The following WDFY4 variants were observed in gnomAD, a reference collection of about 807,000 sequenced individuals.
WDFY4 encodes the protein WDFY family member 4, also known as WD repeat- and FYVE domain-containing protein 4.
Under a neutral mutation model 351.9 loss-of-function variants are expected in WDFY4, and 169 were observed. The observed-to-expected ratio is 0.48, with a 90% CI of 0.42 to 0.55. The LOEUF (loss-of-function observed/expected upper bound fraction) is 0.55, where lower values mean the gene tolerates loss of function less well. Among genes scored for constraint, WDFY4 ranks in the 20% least tolerant of loss-of-function variants. The pLI is 0.00. For missense variants in WDFY4, 3,803 were observed against 3,935.6 expected (o/e 0.97, Z 0.90); for synonymous variants, 1,622 against 1,574.6 (o/e 1.03, Z -0.71).
intron 47 of WDFY4, chr10:48,913,720 G>C: frequency 6.2e-7 from 1 of 1,612,910 alleles, no homozygotes; most frequent in Non-Finnish European, 8.5e-7. Context: ...ACCTCGTGGA[G>C]CTCCTTCAGG....
chr10:48,900,582 G>A (rs557604754), intron 46 of WDFY4, among the ~76,000 whole-genome samples: 180 of 152,304 alleles, frequency 1.2e-3, no homozygotes, highest in Non-Finnish European at 2.0e-3. Flanking sequence ...AAAAAATTAC[G>A]CAGCTACCAC....
chr10:48,924,555 A>G (rs1304781659), intron 47 of WDFY4, among the ~76,000 whole-genome samples: 4 of 152,260 alleles, frequency 2.6e-5, no homozygotes, highest in Non-Finnish European at 1.5e-5. Context: ...TTCATTTCAC[A>G]TGAACAGCTT....
At chr10:48,789,700 T>A (rs2066614039) in intron 21 of WDFY4, among the ~76,000 whole-genome samples, 174 bp from the exon 22 acceptor site, 2 of 152,244 alleles carry the variant, frequency 1.3e-5, no homozygotes, top group African/African-American at 2.4e-5. Context: ...TGCATGAGCC[T>A]GAATTTGGCT....
Position 48,946,768 on chromosome 10 carries a change from T to C in WDFY4, c.7868-92T>C, listed in dbSNP as rs1324500403. 6 of 923,146 alleles carry C rather than the reference T, an allele frequency of 6.5e-6. No individual in the cohort carries two copies. In the Admixed American group the frequency reaches 6.6e-5, roughly 10 times the overall value. 57.2% of individuals were successfully genotyped at this position (923,146 alleles called of 1,614,324 possible). A position where few individuals can be genotyped will look rare whatever the true frequency, so the allele number is the denominator to read the frequency against. ...CTAAACGTCAATGAATATATGTTTT[T>C]AATGCCGTTCATGAACACAGTGTAG... On this transcript the variant is annotated intron_variant, in intron 50 of 61. Coordinates refer to ENST00000325239, the MANE Select transcript of WDFY4 (RefSeq NM_001394531.1).
chr10:48,908,680 T>G (rs1203452257), intron 47 of WDFY4, among the ~76,000 whole-genome samples: 1 of 152,212 alleles, frequency 6.6e-6, no homozygotes, highest in African/African-American at 2.4e-5. Context: ...GCAAAAATAG[T>G]ACAGAGAGAC....
chr10:48,737,669 A>G (rs1431425182), intron 11 of WDFY4, among the ~76,000 whole-genome samples: 1 of 152,268 alleles, frequency 6.6e-6, no homozygotes, highest in Admixed American at 6.5e-5. Flanking sequence ...GCAGGGCCAT[A>G]GAATCAGTGG....
chr10:48,886,848 T>C (rs1044977129), intron 43 of WDFY4, among the ~76,000 whole-genome samples: 1 of 152,222 alleles, frequency 6.6e-6, no homozygotes, highest in Non-Finnish European at 1.5e-5. Flanking sequence ...TAATATATCA[T>C]TCAGTTGATC....
At position 48,808,849 on chromosome 10, in the gene WDFY4, T is replaced by C. The variant is rs529333925; in HGVS notation, c.4838+891T>C. Among the ~76,000 whole-genome samples the C allele has an allele frequency of 1.1e-4, 16 of 152,354 alleles. No individual in the cohort carries two copies. The South Asian group carries it at 3.3e-3, about 32-fold the overall frequency. On this transcript the variant is annotated intron_variant, in intron 28 of 61. Coordinates refer to ENST00000325239, the MANE Select transcript of WDFY4 (RefSeq NM_001394531.1). The stretch of plus-strand genomic sequence containing the variant: ...ATCTATACCTTCCGGGTTCGAATCC[T>C]AGCCCTGTCCCCAGGGACCCAGAGG...
chr10:48,874,851 G>A (rs910577661), intron 41 of WDFY4, among the ~76,000 whole-genome samples: 5 of 152,242 alleles, frequency 3.3e-5, no homozygotes, highest in South Asian at 2.1e-4. Context: ...GGTAATTACC[G>A]TAAGTCCTAC....
At chr10:48,897,870 C>T (rs924644545) in intron 45 of WDFY4, among the ~76,000 whole-genome samples, 1 of 152,224 alleles carries the variant, frequency 6.6e-6, no homozygotes, top group African/African-American at 2.4e-5. Context: ...CCCAGAGCTG[C>T]CTTGGAGATT....
At chr10:48,807,802 G>C in intron 27 of WDFY4, 57 bp from the exon 28 acceptor site, 1 of 1,525,448 alleles carries the variant, frequency 6.6e-7, no homozygotes, top group Non-Finnish European at 8.9e-7. Context: ...GCTTACTGCA[G>C]CAAATATTAT....
At chr10:48,702,223 T>G (rs1421778495) in intron 1 of WDFY4, among the ~76,000 whole-genome samples, 1 of 152,088 alleles carries the variant, frequency 6.6e-6, no homozygotes, top group Non-Finnish European at 1.5e-5. Flanking sequence ...TAGCAGTATT[T>G]GATGGCTGCT....
intron 51 of WDFY4, among the ~76,000 whole-genome samples, chr10:48,955,751 T>A (rs546538310): frequency 6.6e-6 from 1 of 152,320 alleles, no homozygotes. Context: ...TGCCCTTTTT[T>A]ACCTCCACCC....
chr10:48,947,035 A>T, intron 51 of WDFY4, 66 bp downstream of exon 51: 11 of 1,280,524 alleles, frequency 8.6e-6, no homozygotes, highest in Non-Finnish European at 1.2e-5. Flanking sequence ...CCTGTATCAC[A>T]AGACTAAGAC....
At position 48,976,778 on chromosome 10, in the gene WDFY4, G is replaced by A. The variant is rs117235616; in HGVS notation, c.9109-19G>A. The A allele has an allele frequency of 0.015, 20,092 of 1,362,984 alleles. 182 individuals are homozygous for A. The highest frequency in any genetic ancestry group is 0.016 in the Non-Finnish European group (17,169 of 1,044,802). The allele number at this position is 1,362,984 out of a possible 1,614,324, so 84.4% of individuals were successfully genotyped here. On this transcript the variant is annotated intron_variant, in intron 58 of 61. Transcript: ENST00000325239. Reference sequence around the variant, plus strand: ...GGCAGTGACTCCAGCTTAGAGTGATGCCAGCTCTCACTGCACAGGGCACCA... The same window carrying A: ...GGCAGTGACTCCAGCTTAGAGTGATACCAGCTCTCACTGCACAGGGCACCA...
At chr10:48,884,333 A>G (rs919450107) in intron 43 of WDFY4, 2 of 152,176 alleles carry the variant, frequency 1.3e-5, no homozygotes, top group Non-Finnish European at 2.9e-5. Flanking sequence ...CTGAATCTCC[A>G]TGACTTTCTG....
Position 48,832,502 on chromosome 10 carries a change from A to T in WDFY4, c.6527-71A>T, listed in dbSNP as rs1035093804. ...TCATGCCCCTGGCTGGCCCTTTGAA[A>T]GCCAAGCTAGCTATAAAAATAGTGT... On this transcript the variant is annotated intron_variant, in intron 38 of 61. Coordinates refer to ENST00000325239, the MANE Select transcript of WDFY4 (RefSeq NM_001394531.1). 4.9e-6 allele frequency: 7 copies of T among 1,438,624 alleles called. No individual in the cohort carries two copies. The African/African-American group carries it at 1.0e-4, about 21-fold the overall frequency. 89.1% of individuals were successfully genotyped at this position (1,438,624 alleles called of 1,614,324 possible).
chr10:48,830,946 G>C (rs755455510), intron 38 of WDFY4, 61 bp downstream of exon 38: 1 of 1,503,648 alleles, frequency 6.7e-7, no homozygotes, highest in Non-Finnish European at 9.0e-7. Context: ...CCAGACTCCC[G>C]CAAGGTTCAA....
chr10:48,784,337 T>TTAGCATTGTCACTATTTTTATA (rs1190340673), intron 19 of WDFY4, among the ~76,000 whole-genome samples: 1 of 152,208 alleles, frequency 6.6e-6, no homozygotes, highest in Non-Finnish European at 1.5e-5. Flanking sequence ...TTTTCTGCAC[T>TTAGCATTGTCACTATTTTTATA]TAGCATTGTC....
Sources: allele counts gnomAD v4.1 joint callset (sites outside exome capture counted in the v4.1 genomes callset), GRCh38; gene constraint gnomAD v4.1.1; transcripts MANE v1.5; gene names NCBI Gene and HGNC (gene_info 2026-07-23, HGNC 2026-07-21).